Variants in OSTN observed in about 807,000 individuals in gnomAD.
The protein encoded by OSTN is osteocrin.
In OSTN, 9 loss-of-function variants were observed where a neutral mutation model predicts 12.0. The ratio of observed to expected loss-of-function variants is 0.75; its 90% CI spans 0.45 to 1.30. The LOEUF (loss-of-function observed/expected upper bound fraction) is 1.30. Among genes scored for constraint, OSTN ranks in the 50% most tolerant of loss-of-function variants. The pLI is 0.00. For missense variants in OSTN, 148 were observed against 152.3 expected (o/e 0.97, Z 0.15); for synonymous variants, 59 against 56.9 (o/e 1.04, Z -0.16).
intron 2 of OSTN, among the ~76,000 whole-genome samples, chr3:191,218,348 G>A (rs1055981913): frequency 6.6e-6 from 1 of 152,174 alleles, no homozygotes; most frequent in Non-Finnish European, 1.5e-5. Flanking sequence ...AAGGCCAGGT[G>A]TTGTGGCTCA....
chr3:191,222,004 C>T (rs1432845563), intron 3 of OSTN, among the ~76,000 whole-genome samples: 2 of 152,228 alleles, frequency 1.3e-5, no homozygotes, highest in African/African-American at 4.8e-5. Context: ...GGGTGCAAGC[C>T]CCAAGCCTTG....
chr3:191,237,350 C>A (rs867785389), intron 3 of OSTN, among the ~76,000 whole-genome samples: 5 of 152,190 alleles, frequency 3.3e-5, no homozygotes, highest in African/African-American at 1.2e-4. Flanking sequence ...CCTAACGGGA[C>A]TGCAGCTATC....
Position 191,264,456 on chromosome 3 carries a change from T to G in OSTN, c.*1603T>G, listed in dbSNP as rs538323105. 1.3e-5 allele frequency: 2 copies of G among 152,286 alleles called. 1 individual carries two copies. Among genetic ancestry groups the G allele is most frequent in the Admixed American group, 1.3e-4 (2 of 15,294 alleles). The allele number at this position is 152,286 out of a possible 1,614,324, so 9.4% of individuals were successfully genotyped here. On this transcript the variant is annotated 3_prime_UTR_variant, in exon 5 of 5. Transcript: ENST00000682035. ...TTTTAAAATTGAAAGTCTTCAAAAT[T>G]AATTTAGGAAAAATAGTAAATAATT...
intron 1 of OSTN, among the ~76,000 whole-genome samples, chr3:191,204,105 G>C (rs1446192225): frequency 6.6e-6 from 1 of 152,276 alleles, no homozygotes; most frequent in East Asian, 1.9e-4. Flanking sequence ...AGCCAGGCTA[G>C]TCTCAAACTC....
intron 4 of OSTN, among the ~76,000 whole-genome samples, chr3:191,257,182 T>C (rs1576941065): frequency 1.5e-5 from 1 of 65,988 alleles, no homozygotes; most frequent in African/African-American, 7.3e-5. Context: ...CAAAACCCTC[T>C]CTCAAAAAAA....
Position 191,250,049 on chromosome 3 carries a change from T to C in OSTN, c.330T>C (p.Asp110=). ...DHKGKQRKVV[D]HPKRRFGIPM... ...TGGTTTGTTTCAGGAAAGTAGTAGA[T>C]CATCCAAAAAGGCGATTTGGTATCC... Residue 110 remains aspartate (D), a synonymous_variant, in exon 4 of 5, where the codon GAT becomes GAC. Coordinates refer to ENST00000682035, the MANE Select transcript of OSTN (RefSeq NM_198184.2). The C allele has an allele frequency of 6.2e-7, 1 of 1,613,432 alleles. No individual in the cohort carries two copies. The highest frequency in any genetic ancestry group is 1.1e-5 in the South Asian group (1 of 91,068).
intron 3 of OSTN, among the ~76,000 whole-genome samples, chr3:191,229,069 A>T (rs971651686): frequency 1.3e-5 from 2 of 152,236 alleles, no homozygotes; most frequent in African/African-American, 4.8e-5. Flanking sequence ...AATGTGAAAG[A>T]CAGAAATGAG....
intron 3 of OSTN, among the ~76,000 whole-genome samples, chr3:191,246,604 C>T (rs1479008866): frequency 1.9e-5 from 2 of 106,900 alleles, no homozygotes; most frequent in Admixed American, 1.0e-4. Flanking sequence ...GACCCTGTAT[C>T]AAAAAAAAAA....
intron 3 of OSTN, among the ~76,000 whole-genome samples, chr3:191,221,831 C>G (rs561771011): frequency 6.6e-6 from 1 of 152,324 alleles, no homozygotes; most frequent in East Asian, 1.9e-4. Context: ...CAGGGCATGT[C>G]AGAAGTCTTC....
At chr3:191,231,427 C>G (rs1715050871) in intron 3 of OSTN, among the ~76,000 whole-genome samples, 1 of 151,758 alleles carries the variant, frequency 6.6e-6, no homozygotes, top group Non-Finnish European at 1.5e-5. Flanking sequence ...GAATGTATAG[C>G]TTGCAATTTT....
intron 3 of OSTN, among the ~76,000 whole-genome samples, chr3:191,243,608 C>G (rs1470520127): frequency 6.6e-6 from 1 of 152,026 alleles, no homozygotes; most frequent in African/African-American, 2.4e-5. Flanking sequence ...TTAGGGTGTA[C>G]AGTATGTTCT....
chr3:191,250,012 A>C, intron 3 of OSTN, 25 bp from the exon 4 acceptor site: 1 of 1,569,654 alleles, frequency 6.4e-7, no homozygotes, highest in Non-Finnish European at 8.8e-7. Flanking sequence ...TTTAGTTTAA[A>C]AATGTCCTCC....
intron 4 of OSTN, among the ~76,000 whole-genome samples, chr3:191,259,607 C>T (rs1001430508): frequency 2.6e-4 from 40 of 151,834 alleles, no homozygotes; most frequent in African/African-American, 8.4e-4. Context: ...TAAATGACCA[C>T]CTCCAAAAAG....
At chr3:191,261,646 G>A (rs999974997) in intron 4 of OSTN, among the ~76,000 whole-genome samples, 2 of 152,144 alleles carry the variant, frequency 1.3e-5, no homozygotes, top group African/African-American at 4.8e-5. Context: ...TATATTTTGG[G>A]TAAAATATTT....
chr3:191,251,314 T>G (rs1476100784), intron 4 of OSTN, among the ~76,000 whole-genome samples: 1 of 152,144 alleles, frequency 6.6e-6, no homozygotes, highest in Non-Finnish European at 1.5e-5. Context: ...TAAATAAATG[T>G]TTTTTGAAGG....
intron 3 of OSTN, among the ~76,000 whole-genome samples, chr3:191,238,252 C>T (rs924178350): frequency 4.0e-5 from 6 of 151,868 alleles, no homozygotes; most frequent in African/African-American, 1.2e-4. Context: ...AAGATACTTG[C>T]GGGGAAAAAA....
intron 3 of OSTN, among the ~76,000 whole-genome samples, chr3:191,249,169 T>C (rs542638263): frequency 6.6e-6 from 1 of 152,332 alleles, no homozygotes; most frequent in South Asian, 2.1e-4. Context: ...CTGATTTACA[T>C]AGGCTTCTTA....
chr3:191,218,802 A>G lies in OSTN; in HGVS notation c.158A>G (p.Lys53Arg), dbSNP rs766668093. The G allele has an allele frequency of 6.2e-7, 1 of 1,614,092 alleles. No individual in the cohort carries two copies. Among genetic ancestry groups the G allele is most frequent in the Non-Finnish European group, 8.5e-7 (1 of 1,179,990 alleles). Residue 53 changes from lysine to arginine, a missense_variant, in exon 3 of 5, where the codon AAA becomes AGA. Transcript: ENST00000682035. Reference sequence around the variant, plus strand: ...TCAACACCCACAGTCAGGGAAGAGAAATCAGCCACTGACCTGACAGCAAAA... The same window carrying G: ...TCAACACCCACAGTCAGGGAAGAGAGATCAGCCACTGACCTGACAGCAAAA... ...VQSTPTVREE[K>R]SATDLTAKLL...
At chr3:191,240,601 G>C (rs923365649) in intron 3 of OSTN, among the ~76,000 whole-genome samples, 1 of 152,198 alleles carries the variant, frequency 6.6e-6, no homozygotes, top group Admixed American at 6.5e-5. Flanking sequence ...TCCAGGAAAA[G>C]CTTGACTCAT....
Sources: gnomAD v4.1 joint callset for allele counts (sites outside exome capture counted in the v4.1 genomes callset) on GRCh38, gnomAD v4.1.1 for gene constraint, MANE v1.5 for transcripts, NCBI Gene and HGNC (gene_info 2026-07-23, HGNC 2026-07-21) for gene names.